The following ZNF532 variants were observed in gnomAD, a reference collection of about 807,000 sequenced individuals.
ZNF532 encodes the protein zinc finger protein 532.
A neutral mutation model predicts 89.3 loss-of-function variants in ZNF532; 22 were observed. The observed-to-expected ratio is 0.25, with a 90% CI of 0.18 to 0.35. The LOEUF (loss-of-function observed/expected upper bound fraction) is 0.35. ZNF532 is among the 10% of genes least tolerant of loss of function. The probability of loss-of-function intolerance (pLI) is 1.00; values close to 1 mark genes in which losing one functional copy is unlikely to be tolerated. For synonymous variants in ZNF532, 606 were observed against 649.6 expected (o/e 0.93, Z 1.02); for missense variants, 1,132 against 1,643.4 (o/e 0.69, Z 5.38).
At chr18:58,897,997 T>C (rs1243638535) in intron 2 of ZNF532, among the ~76,000 whole-genome samples, 2 of 152,146 alleles carry the variant, frequency 1.3e-5, no homozygotes, top group Non-Finnish European at 2.9e-5. Flanking sequence ...ATAAAGATTA[T>C]TACTTAACTC....
At chr18:58,878,910 C>T (rs1304621898) in intron 2 of ZNF532, among the ~76,000 whole-genome samples, 1 of 152,226 alleles carries the variant, frequency 6.6e-6, no homozygotes, top group African/African-American at 2.4e-5. Flanking sequence ...CTTAGTAGAA[C>T]TTCTTTCCTA....
At chr18:58,982,856 T>C (rs2067974230) in intron 9 of ZNF532, among the ~76,000 whole-genome samples, 2 of 152,136 alleles carry the variant, frequency 1.3e-5, no homozygotes, top group Non-Finnish European at 2.9e-5. Flanking sequence ...GGCTCACACC[T>C]GTAATCCCAG....
At chr18:58,889,290 A>C (rs1290920579) in intron 2 of ZNF532, among the ~76,000 whole-genome samples, 3 of 152,136 alleles carry the variant, frequency 2.0e-5, no homozygotes, top group Non-Finnish European at 2.9e-5. Context: ...CTCCCTGGGC[A>C]CTTCCTGTTT....
At chr18:58,875,902 T>G (rs2057382155) in intron 2 of ZNF532, among the ~76,000 whole-genome samples, 1 of 151,996 alleles carries the variant, frequency 6.6e-6, no homozygotes, top group African/African-American at 2.4e-5. Context: ...TTTCTCACAC[T>G]TTAGTTTGCA....
intron 3 of ZNF532, chr18:58,931,650 G>A (rs2061974236): frequency 1.3e-5 from 2 of 152,042 alleles, no homozygotes; most frequent in African/African-American, 4.8e-5. Flanking sequence ...TCTCAGAATG[G>A]AATGGAGCCA....
chr18:58,912,870 T>A (rs1450026154), intron 2 of ZNF532, among the ~76,000 whole-genome samples: 1 of 152,102 alleles, frequency 6.6e-6, no homozygotes, highest in East Asian at 1.9e-4. Context: ...TGCCTGCACT[T>A]CCTAGAGAGA....
At chr18:58,872,617 GT>G (rs2057082165) in intron 2 of ZNF532, among the ~76,000 whole-genome samples, 2 of 152,038 alleles carry the variant, frequency 1.3e-5, no homozygotes, top group South Asian at 4.2e-4. Flanking sequence ...CCAATAGCAG[GT>G]TTAGAACTGG....
At chr18:58,885,887 A>C (rs1256910275) in intron 2 of ZNF532, among the ~76,000 whole-genome samples, 2 of 152,082 alleles carry the variant, frequency 1.3e-5, no homozygotes, top group Non-Finnish European at 2.9e-5. Context: ...AAAAGCTCAA[A>C]ATTTCCCTCA....
intron 5 of ZNF532, among the ~76,000 whole-genome samples, chr18:58,943,465 T>C (rs936368579): frequency 1.3e-5 from 2 of 151,110 alleles, no homozygotes; most frequent in East Asian, 1.9e-4. Context: ...CAGCCTTTTT[T>C]TTTTTTTCCT....
At chr18:58,894,392 G>A (rs1197942097) in intron 2 of ZNF532, among the ~76,000 whole-genome samples, 1 of 151,162 alleles carries the variant, frequency 6.6e-6, no homozygotes, top group African/African-American at 2.4e-5. Flanking sequence ...GCTTGAACCT[G>A]AGGGGTGGAG....
chr18:58,946,291 GTTT>G (rs58395180), intron 5 of ZNF532, among the ~76,000 whole-genome samples: 14 of 116,506 alleles, frequency 1.2e-4, no homozygotes, highest in African/African-American at 2.3e-4. Flanking sequence ...TCTTCATATA[GTTT>G]TTTTTTTTTT....
At chr18:58,913,304 A>G (rs1175244950) in intron 2 of ZNF532, among the ~76,000 whole-genome samples, 5 of 152,238 alleles carry the variant, frequency 3.3e-5, no homozygotes, top group African/African-American at 1.2e-4. Flanking sequence ...TTGAAGATGT[A>G]TAAAAACTGG....
chr18:58,947,573 G>A (rs1478331462), intron 5 of ZNF532, among the ~76,000 whole-genome samples: 1 of 152,152 alleles, frequency 6.6e-6, no homozygotes, highest in Admixed American at 6.5e-5. Context: ...TTAAGAACAG[G>A]TATAGAAATA....
At chr18:58,926,975 C>T (rs564550016) in intron 3 of ZNF532, among the ~76,000 whole-genome samples, 3 of 152,238 alleles carry the variant, frequency 2.0e-5, no homozygotes, top group South Asian at 4.1e-4. Flanking sequence ...ATGTAGATAT[C>T]CTTTTTTGTT....
At chr18:58,954,175 T>A in intron 7 of ZNF532, 1 of 978,628 alleles carries the variant, frequency 1.0e-6, no homozygotes, top group Non-Finnish European at 1.2e-6. Context: ...ACAGTGGAAA[T>A]GTTGAACATT....
chr18:58,919,180 C>T lies in ZNF532; in HGVS notation c.893C>T (p.Ser298Phe). Residue 298 changes from serine to phenylalanine, a missense_variant, in exon 3 of 10, where the codon TCC becomes TTC. Ser to Phe is a radical substitution (Grantham distance 155, BLOSUM62 -2). Transcript: ENST00000591808. The surrounding 1 kb of genome is among the most constrained non-coding windows in gnomAD (Gnocchi z 6.1). ...CCAGTGGCCAATTCGAGGGAATCCT[C>T]CCCGTTACCAAAAGAAGTAAATGAC... ...KEPVANSRES[S>F]PLPKEVNDSP... is the part of the protein sequence containing the mutation. 2 of 1,614,190 alleles carry T rather than the reference C, an allele frequency of 1.2e-6. No individual in the cohort carries two copies. Among genetic ancestry groups the T allele is most frequent in the Non-Finnish European group, 1.7e-6 (2 of 1,180,026 alleles).
At chr18:58,947,500 C>T (rs946863535) in intron 5 of ZNF532, among the ~76,000 whole-genome samples, 4 of 152,132 alleles carry the variant, frequency 2.6e-5, no homozygotes, top group South Asian at 2.1e-4. Flanking sequence ...ACAGTGGTAT[C>T]GATTTTATTT....
chr18:58,886,919 C>G (rs528913429), intron 2 of ZNF532, among the ~76,000 whole-genome samples: 1 of 152,236 alleles, frequency 6.6e-6, no homozygotes, highest in African/African-American at 2.4e-5. Context: ...GAGAGACTAT[C>G]CTGTAGTAAT....
At chr18:58,867,816 G>A (rs1264169089) in intron 2 of ZNF532, among the ~76,000 whole-genome samples, 3 of 152,184 alleles carry the variant, frequency 2.0e-5, no homozygotes, top group Admixed American at 1.3e-4. Context: ...AAAGAACACT[G>A]GAGCCAGGGT....
Sources: gnomAD v4.1 joint callset for allele counts (sites outside exome capture counted in the v4.1 genomes callset) on GRCh38, gnomAD v4.1.1 for gene constraint, Gnocchi (gnomAD v3.1) non-coding constraint, MANE v1.5 for transcripts, NCBI Gene and HGNC (gene_info 2026-07-23, HGNC 2026-07-21) for gene names.